CDH13: variants seen among roughly 807,000 people sequenced by gnomAD.
The protein encoded by CDH13 is cadherin 13.
CDH13 carries 24 observed loss-of-function variants against 63.8 expected under a neutral mutation model. The ratio of observed to expected loss-of-function variants is 0.38; its 90% CI spans 0.27 to 0.53. The LOEUF (loss-of-function observed/expected upper bound fraction) is 0.53, where lower values mean the gene tolerates loss of function less well. Among genes scored for constraint, CDH13 ranks in the 20% least tolerant of loss-of-function variants. The pLI, the probability that CDH13 is intolerant of heterozygous loss-of-function variation, is 0.85. For missense variants in CDH13, 1,049 were observed against 903.1 expected (o/e 1.16, Z -2.07); for synonymous variants, 503 against 355.3 (o/e 1.42, Z -4.67).
intron 2 of CDH13, among the ~76,000 whole-genome samples, chr16:82,915,535 G>C (rs190253712): frequency 6.6e-6 from 1 of 152,064 alleles, no homozygotes; most frequent in Non-Finnish European, 1.5e-5. Flanking sequence ...GCCCAGGGGG[G>C]AAATTACAGT....
At chr16:82,850,809 C>T (rs548192739) in intron 1 of CDH13, among the ~76,000 whole-genome samples, 2 of 152,302 alleles carry the variant, frequency 1.3e-5, no homozygotes, top group African/African-American at 4.8e-5. Context: ...AAAAGACAAC[C>T]ACTTGTTGAA....
intron 2 of CDH13, among the ~76,000 whole-genome samples, chr16:83,030,740 C>A (rs1225503594): frequency 1.3e-5 from 2 of 150,678 alleles, no homozygotes; most frequent in Non-Finnish European, 3.0e-5. Context: ...CACACCTGAT[C>A]TTGACTCTCT....
intron 5 of CDH13, among the ~76,000 whole-genome samples, chr16:83,334,918 C>G (rs1301224914): frequency 6.6e-6 from 1 of 152,116 alleles, no homozygotes; most frequent in Non-Finnish European, 1.5e-5. Context: ...CAAGCCTGTA[C>G]ATATATTGAT....
At chr16:82,792,542 C>A (rs989733269) in intron 1 of CDH13, among the ~76,000 whole-genome samples, 8 of 151,966 alleles carry the variant, frequency 5.3e-5, no homozygotes, top group African/African-American at 1.7e-4. Flanking sequence ...AGTCATTGAC[C>A]CCAGGTTTAG....
intron 1 of CDH13, among the ~76,000 whole-genome samples, chr16:82,655,277 C>T (rs978626985): frequency 1.3e-5 from 2 of 152,128 alleles, no homozygotes; most frequent in East Asian, 1.9e-4. Flanking sequence ...ATCAATGAGC[C>T]GGTCAATCAA....
At chr16:83,514,924 A>T (rs1026662102) in intron 7 of CDH13, among the ~76,000 whole-genome samples, 2 of 152,102 alleles carry the variant, frequency 1.3e-5, no homozygotes, top group African/African-American at 4.8e-5. Flanking sequence ...CCGGTTTGTG[A>T]CGTGTAGTTA....
At chr16:83,612,762 G>A (rs1908964705) in intron 8 of CDH13, among the ~76,000 whole-genome samples, 1 of 151,910 alleles carries the variant, frequency 6.6e-6, no homozygotes, top group African/African-American at 2.4e-5. Flanking sequence ...GAATTTTTAG[G>A]ACTTACTGGA....
At chr16:82,920,423 G>C (rs1345639252) in intron 2 of CDH13, among the ~76,000 whole-genome samples, 1 of 152,310 alleles carries the variant, frequency 6.6e-6, no homozygotes, top group Non-Finnish European at 1.5e-5. Context: ...TATGGGTCCT[G>C]TGCTCGTCCA....
chr16:83,506,268 C>G (rs934717272), intron 7 of CDH13, among the ~76,000 whole-genome samples: 3 of 152,118 alleles, frequency 2.0e-5, no homozygotes, highest in African/African-American at 4.8e-5. Flanking sequence ...AGATTTGGAG[C>G]CACTGATCTC....
intron 1 of CDH13, among the ~76,000 whole-genome samples, chr16:82,839,463 C>T (rs1212825174): frequency 6.6e-6 from 1 of 152,132 alleles, no homozygotes; most frequent in East Asian, 1.9e-4. Flanking sequence ...GCAGGGTTTC[C>T]TGGGATATGG....
At chr16:83,227,565 G>A (rs1401399732) in intron 5 of CDH13, among the ~76,000 whole-genome samples, 6 of 152,192 alleles carry the variant, frequency 3.9e-5, no homozygotes, top group Non-Finnish European at 2.9e-5. Context: ...TACCCATCTC[G>A]ATTCTGGCCT....
At chr16:82,974,817 C>T (rs1390655640) in intron 2 of CDH13, among the ~76,000 whole-genome samples, 1 of 152,168 alleles carries the variant, frequency 6.6e-6, no homozygotes, top group African/African-American at 2.4e-5. Flanking sequence ...GTCCCTAGAG[C>T]CTTCAAGAGT....
chr16:83,740,877 C>G (rs982585880), intron 10 of CDH13, among the ~76,000 whole-genome samples: 10 of 152,230 alleles, frequency 6.6e-5, no homozygotes, highest in Non-Finnish European at 5.9e-5. Context: ...CACCCCATCC[C>G]TGGGAAATTT....
intron 7 of CDH13, among the ~76,000 whole-genome samples, chr16:83,535,380 C>A (rs1217403128): frequency 6.6e-6 from 1 of 152,182 alleles, no homozygotes; most frequent in African/African-American, 2.4e-5. Context: ...GATGCTGTGG[C>A]CACATTGTAG....
At chr16:83,560,907 C>CG (rs946251444) in intron 7 of CDH13, among the ~76,000 whole-genome samples, 25 of 152,116 alleles carry the variant, frequency 1.6e-4, no homozygotes, top group South Asian at 4.2e-4. Flanking sequence ...TGGCCCCCCC[C>CG]CCGCCCCAGG....
intron 11 of CDH13, among the ~76,000 whole-genome samples, chr16:83,767,680 G>A (rs1409030212): frequency 6.6e-6 from 1 of 152,134 alleles, no homozygotes; most frequent in African/African-American, 2.4e-5. Context: ...AAAGAATGAA[G>A]TATTAATACA....
chr16:83,350,178 C>T (rs1165392518), intron 6 of CDH13, among the ~76,000 whole-genome samples: 1 of 152,146 alleles, frequency 6.6e-6, no homozygotes, highest in Non-Finnish European at 1.5e-5. Context: ...GAGGCCTCGG[C>T]CTTCCAACAA....
chr16:83,446,648 T>C (rs1006985337), intron 6 of CDH13, among the ~76,000 whole-genome samples: 21 of 152,192 alleles, frequency 1.4e-4, no homozygotes, highest in African/African-American at 5.1e-4. Context: ...TTTCTGGTGG[T>C]AATCAAAGGA....
intron 9 of CDH13, among the ~76,000 whole-genome samples, chr16:83,676,254 G>A (rs1049000522): frequency 1.3e-5 from 2 of 152,164 alleles, no homozygotes; most frequent in African/African-American, 4.8e-5. Context: ...TTGTGCATAC[G>A]TCTCCGGCTG....
Sources: gnomAD v4.1 joint callset for allele counts (sites outside exome capture counted in the v4.1 genomes callset) on GRCh38, gnomAD v4.1.1 for gene constraint, MANE v1.5 for transcripts, NCBI Gene and HGNC (gene_info 2026-07-23, HGNC 2026-07-21) for gene names.